The following EPB41 variants were observed in gnomAD, a reference collection of about 807,000 sequenced individuals.
EPB41 encodes the protein protein 4.1.
Under a neutral mutation model 108.0 loss-of-function variants are expected in EPB41, and 65 were observed. The observed-to-expected ratio is 0.60, with a 90% CI of 0.49 to 0.74. EPB41 has a LOEUF of 0.74. Ranked by LOEUF, EPB41 falls within the 30% of genes least tolerant of loss-of-function variation. The pLI is 0.00. For synonymous variants in EPB41, 336 were observed against 358.9 expected (o/e 0.94, Z 0.72); for missense variants, 875 against 1,037.0 (o/e 0.84, Z 2.15).
chr1:28,892,226 C>T (rs2090196117), intron 1 of EPB41, among the ~76,000 whole-genome samples: 1 of 152,052 alleles, frequency 6.6e-6, no homozygotes, highest in Non-Finnish European at 1.5e-5. Context: ...AGGTGGTACC[C>T]CTCACCCATG....
chr1:29,059,770 C>T (rs1573341264), intron 14 of EPB41, among the ~76,000 whole-genome samples: 1 of 152,046 alleles, frequency 6.6e-6, no homozygotes, highest in East Asian at 1.9e-4. Context: ...AGAGTAAGAC[C>T]CTGTCTCCAA....
intron 1 of EPB41, among the ~76,000 whole-genome samples, chr1:28,957,342 G>T (rs539871438): frequency 1.3e-5 from 2 of 152,220 alleles, no homozygotes; most frequent in Non-Finnish European, 2.9e-5. Context: ...ACTATATGTA[G>T]AGACTGTCAA....
intron 1 of EPB41, among the ~76,000 whole-genome samples, chr1:28,984,938 C>T (rs893840255): frequency 5.9e-5 from 9 of 152,142 alleles, no homozygotes; most frequent in African/African-American, 1.7e-4. Context: ...GGATTACAGG[C>T]GTGAGCCACC....
At chr1:28,969,499 C>T (rs1358632946) in intron 1 of EPB41, among the ~76,000 whole-genome samples, 1 of 151,756 alleles carries the variant, frequency 6.6e-6, no homozygotes, top group African/African-American at 2.4e-5. Flanking sequence ...GGCGCAGTGG[C>T]TCACGCCTGT....
intron 1 of EPB41, among the ~76,000 whole-genome samples, chr1:28,942,705 C>T (rs1395229016): frequency 6.6e-6 from 1 of 152,170 alleles, no homozygotes; most frequent in African/African-American, 2.4e-5. Context: ...ATCAGCTCAA[C>T]CTAAAGCTCC....
chr1:29,015,823 A>T, intron 6 of EPB41, 56 bp downstream of exon 6: 1 of 1,159,056 alleles, frequency 8.6e-7, no homozygotes, highest in South Asian at 1.3e-5. Flanking sequence ...GTATGATGAG[A>T]CAGTAATTCT....
rs1349263432 is a variant in EPB41 at position 29,015,576 on chromosome 1, A to G, written c.830-116A>G. The G allele has an allele frequency of 8.3e-6, 6 of 726,590 alleles. No homozygotes were observed. In the African/African-American group the frequency reaches 1.2e-4, roughly 14 times the overall value. The allele number at this position is 726,590 out of a possible 1,614,324, so 45.0% of individuals were successfully genotyped here. On this transcript the variant is annotated intron_variant, in intron 5 of 20. Transcript: ENST00000343067. ...GCAACAAGAGTGAGACTCCGTCTCA[A>G]AGAAAAAAAAAAAAGAAAGAAAAAG...
At chr1:28,895,794 C>T (rs539699642) in intron 1 of EPB41, among the ~76,000 whole-genome samples, 1 of 152,214 alleles carries the variant, frequency 6.6e-6, no homozygotes, top group South Asian at 2.1e-4. Context: ...GGCCCTAAGG[C>T]CCAAATTCTT....
chr1:29,023,105 G>A (rs958848373), intron 7 of EPB41, among the ~76,000 whole-genome samples: 4 of 151,380 alleles, frequency 2.6e-5, no homozygotes, highest in East Asian at 2.0e-4. Context: ...AGTGATTCTC[G>A]TGCCTCAGCC....
rs776279425 is a variant in EPB41, at chr1:28,987,831, A to G, written c.394A>G (p.Ile132Val). 1.1e-5 allele frequency: 17 copies of G among 1,614,088 alleles called. No homozygotes were observed. Among genetic ancestry groups the G allele is most frequent in the African/African-American group, 6.7e-5 (5 of 74,912 alleles). Residue 132 changes from isoleucine (I) to valine (V), a missense_variant, in exon 2 of 21, where the codon ATT (isoleucine) becomes GTT (valine). Physicochemically the swap from Ile to Val is conservative, Grantham distance 29. Coordinates refer to ENST00000343067, the MANE Select transcript of EPB41 (RefSeq NM_001376013.1). The stretch of plus-strand genomic sequence containing the variant: ...TGAAGAGATCATTTTAAAGGCCCCA[A>G]TTGCAGCTCCTGAACCGGAACTCAA... ...LDEEIILKAP[I>V]AAPEPELKTD...
intron 1 of EPB41, among the ~76,000 whole-genome samples, chr1:28,951,775 G>A (rs577511095): frequency 5.9e-5 from 9 of 152,248 alleles, no homozygotes; most frequent in African/African-American, 2.2e-4. Flanking sequence ...GATCACTTGA[G>A]CCTGGGAGGT....
intron 1 of EPB41, among the ~76,000 whole-genome samples, chr1:28,895,086 A>C (rs1263843859): frequency 6.6e-6 from 1 of 152,126 alleles, no homozygotes; most frequent in Non-Finnish European, 1.5e-5. Context: ...TTACCTGTAA[A>C]GTAGGGTTAT....
intron 1 of EPB41, among the ~76,000 whole-genome samples, chr1:28,964,511 G>A (rs2095310574): frequency 6.6e-6 from 1 of 152,036 alleles, no homozygotes; most frequent in Non-Finnish European, 1.5e-5. Flanking sequence ...TGAGGCAGGA[G>A]AATCACTTGA....
At chr1:29,036,387 G>A (rs1234567896) in intron 10 of EPB41, among the ~76,000 whole-genome samples, 2 of 149,988 alleles carry the variant, frequency 1.3e-5, no homozygotes, top group Non-Finnish European at 3.0e-5. Context: ...AGCCTCCTAA[G>A]TAGCTGGGAT....
At chr1:29,024,355 C>T (rs1236664076) in intron 7 of EPB41, among the ~76,000 whole-genome samples, 6 of 134,548 alleles carry the variant, frequency 4.5e-5, no homozygotes, top group East Asian at 2.3e-4. Flanking sequence ...AATTAAAGGC[C>T]GAGCGTGGTG....
rs141496622 is a variant in EPB41, at chr1:28,918,036, A to G, written c.-8+3268A>G. On this transcript the variant is annotated intron_variant, in intron 1 of 20. Transcript: ENST00000343067. ...TCATAACTTTAGAATATCAGTGGCC[A>G]TGAGAGGCTGAGTTTGGTTCTGAAA... Among the ~76,000 whole-genome samples, 638 of 152,296 alleles carry G rather than the reference A, an allele frequency of 4.2e-3. 4 individuals carry two copies. Among genetic ancestry groups the G allele is most frequent in the African/African-American group, 0.015 (614 of 41,566 alleles).
chr1:28,890,361 G>A (rs1364791178), intron 1 of EPB41, among the ~76,000 whole-genome samples: 2 of 152,072 alleles, frequency 1.3e-5, no homozygotes, highest in African/African-American at 2.4e-5. Flanking sequence ...ATTAAAGGGG[G>A]TGGGATTCCA....
chr1:29,019,067 T>C (rs948203927), intron 7 of EPB41, among the ~76,000 whole-genome samples: 2 of 152,178 alleles, frequency 1.3e-5, no homozygotes, highest in Non-Finnish European at 2.9e-5. Flanking sequence ...AGGTTTCTTA[T>C]ATTTCTGATG....
intron 12 of EPB41, chr1:29,054,258 A>G (rs1035312652): frequency 2.0e-5 from 3 of 152,206 alleles, no homozygotes; most frequent in African/African-American, 7.2e-5. Context: ...TAAGCTTTGT[A>G]AACACATTTA....
Sources: gnomAD v4.1 joint callset for allele counts (sites outside exome capture counted in the v4.1 genomes callset) on GRCh38, gnomAD v4.1.1 for gene constraint, MANE v1.5 for transcripts, NCBI Gene and HGNC (gene_info 2026-07-23, HGNC 2026-07-21) for gene names.